Variants in SRPK2 observed in about 807,000 individuals in gnomAD.
The protein encoded by SRPK2 is SFRS protein kinase 2.
In SRPK2, 21 loss-of-function variants were observed where a neutral mutation model predicts 90.8. The observed-to-expected ratio is 0.23, with a 90% CI of 0.16 to 0.33. The LOEUF (loss-of-function observed/expected upper bound fraction) is 0.33, where lower values mean the gene tolerates loss of function less well. Among genes scored for constraint, SRPK2 ranks in the 10% least tolerant of loss-of-function variants. The probability of loss-of-function intolerance (pLI) is 1.00; values close to 1 mark genes in which losing one functional copy is unlikely to be tolerated. For missense variants in SRPK2, 620 were observed against 869.0 expected (o/e 0.71, Z 3.60); for synonymous variants, 288 against 311.1 (o/e 0.93, Z 0.78).
intron 9 of SRPK2, among the ~76,000 whole-genome samples, chr7:105,144,803 A>G (rs1804318602): frequency 6.6e-6 from 1 of 152,328 alleles, no homozygotes; most frequent in Admixed American, 6.5e-5. Context: ...CTCTGCACAG[A>G]TCATTAAAAC....
chr7:105,135,429 G>A (rs1802654950), intron 11 of SRPK2, among the ~76,000 whole-genome samples: 1 of 152,208 alleles, frequency 6.6e-6, no homozygotes, highest in Admixed American at 6.5e-5. Flanking sequence ...GGTCAGTGAG[G>A]GACCAGAGAG....
intron 2 of SRPK2, among the ~76,000 whole-genome samples, chr7:105,342,370 A>G (rs1468207067): frequency 1.3e-5 from 2 of 150,608 alleles, no homozygotes; most frequent in Admixed American, 6.6e-5. Context: ...TAAATAAAAT[A>G]AAAATATAAA....
chr7:105,128,441 G>T (rs1584882726), intron 13 of SRPK2, among the ~76,000 whole-genome samples: 1 of 152,050 alleles, frequency 6.6e-6, no homozygotes, highest in African/African-American at 2.4e-5. Context: ...GAAGACAGTT[G>T]GGCCAATCCC....
At chr7:105,180,335 C>G (rs1408884219) in intron 3 of SRPK2, among the ~76,000 whole-genome samples, 8 of 152,140 alleles carry the variant, frequency 5.3e-5, no homozygotes, top group African/African-American at 1.7e-4. Flanking sequence ...AATGGACTTC[C>G]TAGTCCATAA....
intron 15 of SRPK2, 103 bp downstream of exon 15, chr7:105,126,145 C>T (rs1423045001): frequency 1.5e-5 from 15 of 1,022,840 alleles, no homozygotes; most frequent in Middle Eastern, 2.1e-4. Flanking sequence ...GGTTGCGTTT[C>T]GAATTTAGGA....
chr7:105,372,206 T>C (rs1298406454), intron 2 of SRPK2, among the ~76,000 whole-genome samples: 2 of 149,952 alleles, frequency 1.3e-5, no homozygotes, highest in South Asian at 4.2e-4. Context: ...GCACTTATAA[T>C]GATAATAGTC....
intron 2 of SRPK2, among the ~76,000 whole-genome samples, chr7:105,242,515 A>C (rs1415648199): frequency 6.6e-6 from 1 of 152,124 alleles, no homozygotes; most frequent in Non-Finnish European, 1.5e-5. Context: ...CATCTCAATA[A>C]ATAAATAAAT....
At chr7:105,280,913 C>A (rs1807211221) in intron 2 of SRPK2, among the ~76,000 whole-genome samples, 1 of 128,900 alleles carries the variant, frequency 7.8e-6, no homozygotes, top group Non-Finnish European at 1.6e-5. Flanking sequence ...CGCCACTGCA[C>A]TCCAGCCTGG....
intron 2 of SRPK2, among the ~76,000 whole-genome samples, chr7:105,284,478 T>C (rs1394839909): frequency 1.3e-5 from 2 of 152,190 alleles, no homozygotes; most frequent in East Asian, 3.8e-4. Flanking sequence ...CTTTTAAGTA[T>C]GGCAGAAACA....
At chr7:105,259,917 T>C (rs1432181226) in intron 2 of SRPK2, among the ~76,000 whole-genome samples, 1 of 152,144 alleles carries the variant, frequency 6.6e-6, no homozygotes, top group African/African-American at 2.4e-5. Flanking sequence ...ATGTAGGACC[T>C]AACACCATAA....
At position 105,133,225 on chromosome 7, in the gene SRPK2, G is replaced by A. The variant is rs570509957; in HGVS notation, c.1544-121C>T. 1.9e-5 allele frequency: 16 copies of A among 862,986 alleles called. No homozygotes were observed. In the Admixed American group the frequency reaches 3.2e-4, roughly 17 times the overall value. 53.5% of individuals were successfully genotyped at this position (862,986 alleles called of 1,614,324 possible). A position where few individuals can be genotyped will look rare whatever the true frequency, so the allele number is the denominator to read the frequency against. On this transcript the variant is annotated intron_variant, in intron 11 of 15. Transcript: ENST00000393651. ...AGTAGTGGAATGATCACTTAGGCCT[G>A]GAATACTGTAAATTAAACTTGACAG...
intron 3 of SRPK2, among the ~76,000 whole-genome samples, chr7:105,171,174 C>G (rs891031736): frequency 6.6e-6 from 1 of 152,064 alleles, no homozygotes; most frequent in Non-Finnish European, 1.5e-5. Flanking sequence ...GGGTGCCTCA[C>G]TGATATCTGG....
chr7:105,320,042 T>C (rs184785527), intron 2 of SRPK2, among the ~76,000 whole-genome samples: 144 of 152,286 alleles, frequency 9.5e-4, no homozygotes, highest in African/African-American at 2.4e-3. Context: ...TTCCAAATAA[T>C]AAAATGGTCT....
intron 2 of SRPK2, among the ~76,000 whole-genome samples, chr7:105,313,556 C>T (rs886148723): frequency 6.6e-6 from 1 of 151,828 alleles, no homozygotes; most frequent in African/African-American, 2.4e-5. Context: ...TTGAAACCAG[C>T]CTGGGTAACA....
At chr7:105,314,563 T>C (rs1283141380) in intron 2 of SRPK2, among the ~76,000 whole-genome samples, 2 of 152,002 alleles carry the variant, frequency 1.3e-5, no homozygotes, top group African/African-American at 4.8e-5. Context: ...TTTGTATTTT[T>C]GGTAGAGACA....
intron 3 of SRPK2, among the ~76,000 whole-genome samples, chr7:105,196,209 G>A (rs796483828): frequency 1.7e-4 from 26 of 152,282 alleles, no homozygotes; most frequent in African/African-American, 5.8e-4. Context: ...TAGATAGGCA[G>A]GGTTTCTTTT....
At position 105,203,663 on chromosome 7, in the gene SRPK2, T is replaced by G; in HGVS notation, c.194A>C (p.Asp65Ala). ...EPEEEILGSD[D>A]EEQEDPADYC... is the part of the protein sequence containing the mutation. ...GTCCGCAGGGTCCTCTTGCTCCTCA[T>G]CATCTGATCCCAGGATCTCCTCCTC... The change falls in exon 3 of 16, where the codon GAT becomes GCT. Residue 65 changes from aspartate (D) to alanine (A), a missense_variant. By Grantham distance (126) the Asp-to-Ala change is moderately radical. Transcript: ENST00000393651. 6.5e-7 allele frequency: 1 copy of G among 1,548,736 alleles called. No homozygotes were observed. Among genetic ancestry groups the G allele is most frequent in the Non-Finnish European group, 8.7e-7 (1 of 1,152,766 alleles).
intron 2 of SRPK2, among the ~76,000 whole-genome samples, chr7:105,236,771 G>A (rs1800195224): frequency 6.6e-6 from 1 of 151,958 alleles, no homozygotes. Context: ...AGAGTCCATG[G>A]GTACCAGGTG....
chr7:105,319,215 A>G (rs1034919100), intron 2 of SRPK2, among the ~76,000 whole-genome samples: 3 of 152,172 alleles, frequency 2.0e-5, no homozygotes, highest in Non-Finnish European at 2.9e-5. Context: ...CACGTTAATC[A>G]AGGAATCACA....
Sources: allele counts gnomAD v4.1 joint callset (sites outside exome capture counted in the v4.1 genomes callset), GRCh38; gene constraint gnomAD v4.1.1; transcripts MANE v1.5; gene names NCBI Gene and HGNC (gene_info 2026-07-23, HGNC 2026-07-21).